TMEM132D: variants seen among roughly 807,000 people sequenced by gnomAD.
TMEM132D encodes transmembrane protein 132D, also known as mature OL transmembrane protein.
A neutral mutation model predicts 62.3 loss-of-function variants in TMEM132D; 21 were observed. The ratio of observed to expected loss-of-function variants is 0.34; its 90% confidence interval spans 0.24 to 0.49. TMEM132D has a LOEUF of 0.49. TMEM132D is among the 20% of genes least tolerant of loss of function. The pLI is 0.99. For missense variants in TMEM132D, 1,346 were observed against 1,402.8 expected (o/e 0.96, Z 0.65); for synonymous variants, 621 against 575.6 (o/e 1.08, Z -1.13).
intron 3 of TMEM132D, among the ~76,000 whole-genome samples, chr12:129,429,775 C>A (rs548672301): frequency 1.4e-5 from 2 of 145,544 alleles, no homozygotes; most frequent in Non-Finnish European, 1.5e-5. Context: ...TGATGTTCCC[C>A]TCCCTGTGTC....
intron 7 of TMEM132D, among the ~76,000 whole-genome samples, chr12:129,079,776 G>A (rs182941564): frequency 6.6e-6 from 1 of 152,262 alleles, no homozygotes; most frequent in Admixed American, 6.5e-5. Flanking sequence ...GAGCATGAGA[G>A]GTGTGTCCCC....
intron 1 of TMEM132D, among the ~76,000 whole-genome samples, chr12:129,847,633 G>A (rs75157557): frequency 0.012 from 1,871 of 152,160 alleles, 40 homozygotes; most frequent in African/African-American, 0.042. Context: ...ACAGATACCT[G>A]ACACTCCTCT....
rs1437697179 is a variant in TMEM132D at position 129,457,455 on chromosome 12, G to C, written c.1115+73604C>G. ...GGGCCTGTTGTGGGGTAGGGGGGAG[G>C]GGAGAGGGATGGCATTAGGAGATAT... On this transcript the variant is annotated intron_variant, in intron 3 of 8. Coordinates refer to ENST00000422113, the MANE Select transcript of TMEM132D (RefSeq NM_133448.3). Among the ~76,000 whole-genome samples the C allele has an allele frequency of 2.6e-4, 37 of 142,212 alleles. 1 individual carries two copies. The highest frequency in any genetic ancestry group is 1.6e-3 in the East Asian group (7 of 4,376). The allele number at this position is 142,212 out of a possible 152,430, so 93.3% of individuals were successfully genotyped here. A position where few individuals can be genotyped will look rare whatever the true frequency, so the allele number is the denominator to read the frequency against.
chr12:129,862,788 A>G (rs1762371990), intron 1 of TMEM132D, among the ~76,000 whole-genome samples: 1 of 152,156 alleles, frequency 6.6e-6, no homozygotes, highest in South Asian at 2.1e-4. Context: ...TTCCATTGTA[A>G]TAAAATAAAA....
intron 3 of TMEM132D, among the ~76,000 whole-genome samples, chr12:129,348,259 T>A (rs952073930): frequency 1.3e-5 from 2 of 152,232 alleles, no homozygotes; most frequent in African/African-American, 4.8e-5. Flanking sequence ...TGCACACGTA[T>A]GTTTATTGCA....
intron 4 of TMEM132D, among the ~76,000 whole-genome samples, chr12:129,227,257 C>A (rs1174730154): frequency 2.8e-5 from 4 of 144,482 alleles, no homozygotes; most frequent in Non-Finnish European, 6.0e-5. Flanking sequence ...CAATAACTTC[C>A]TTTGATCCAC....
intron 3 of TMEM132D, among the ~76,000 whole-genome samples, chr12:129,457,133 A>G (rs1416062151): frequency 1.3e-5 from 2 of 151,912 alleles, no homozygotes; most frequent in African/African-American, 2.4e-5. Context: ...ATAAAGACAC[A>G]TGCACACGTA....
At chr12:129,594,876 T>C (rs532275596) in intron 2 of TMEM132D, among the ~76,000 whole-genome samples, 1 of 152,296 alleles carries the variant, frequency 6.6e-6, no homozygotes, top group South Asian at 2.1e-4. Flanking sequence ...GCTCAGTTTG[T>C]GGAAATACCA....
intron 3 of TMEM132D, among the ~76,000 whole-genome samples, chr12:129,456,202 G>A (rs553296980): frequency 6.6e-6 from 1 of 152,296 alleles, no homozygotes; most frequent in South Asian, 2.1e-4. Flanking sequence ...ATTTCTGAAT[G>A]TCTAAACTAG....
At chr12:129,078,822 G>T in intron 7 of TMEM132D, 97 bp from the exon 8 acceptor site, 1 of 1,270,124 alleles carries the variant, frequency 7.9e-7, no homozygotes, top group Non-Finnish European at 1.1e-6. Flanking sequence ...GCAGCGGCAG[G>T]GCAACATGTG....
At chr12:129,657,430 T>C (rs1309684924) in intron 2 of TMEM132D, among the ~76,000 whole-genome samples, 2 of 151,790 alleles carry the variant, frequency 1.3e-5, no homozygotes, top group Non-Finnish European at 2.9e-5. Context: ...CGTCAACTGG[T>C]TAAGTCAGAA....
At chr12:129,263,952 G>T (rs1043965549) in intron 4 of TMEM132D, among the ~76,000 whole-genome samples, 1 of 152,168 alleles carries the variant, frequency 6.6e-6, no homozygotes, top group Non-Finnish European at 1.5e-5. Context: ...TGAAGATAGC[G>T]GGAAGATGCA....
At chr12:129,281,370 T>A (rs1173010642) in intron 4 of TMEM132D, among the ~76,000 whole-genome samples, 1 of 152,080 alleles carries the variant, frequency 6.6e-6, no homozygotes. Flanking sequence ...TGTTTCAGGT[T>A]TTTTTGTTTG....
chr12:129,725,880 T>C (rs1869016613), intron 1 of TMEM132D, among the ~76,000 whole-genome samples: 1 of 152,186 alleles, frequency 6.6e-6, no homozygotes. Flanking sequence ...TAATAAAAAA[T>C]TTCCCTAAAT....
intron 3 of TMEM132D, among the ~76,000 whole-genome samples, chr12:129,400,270 C>G (rs966509178): frequency 6.6e-6 from 1 of 152,264 alleles, no homozygotes; most frequent in Admixed American, 6.5e-5. Flanking sequence ...ACACATTAGT[C>G]AAGAGCATGT....
intron 3 of TMEM132D, among the ~76,000 whole-genome samples, chr12:129,408,601 T>A (rs1871870577): frequency 6.6e-6 from 1 of 152,128 alleles, no homozygotes; most frequent in African/African-American, 2.4e-5. Context: ...AGGCAATTTT[T>A]ATATACCATT....
At chr12:129,558,356 A>G (rs1158648594) in intron 2 of TMEM132D, among the ~76,000 whole-genome samples, 1 of 152,178 alleles carries the variant, frequency 6.6e-6, no homozygotes, top group African/African-American at 2.4e-5. Context: ...TCCCATTCCT[A>G]TGGGTTTCAT....
At chr12:129,113,715 C>A (rs1054311016) in intron 5 of TMEM132D, among the ~76,000 whole-genome samples, 2 of 151,402 alleles carry the variant, frequency 1.3e-5, no homozygotes, top group African/African-American at 2.4e-5. Context: ...AGGAAGAAAG[C>A]AAAGTAAGTA....
chr12:129,748,952 G>T (rs1869909309), intron 1 of TMEM132D, among the ~76,000 whole-genome samples: 1 of 152,132 alleles, frequency 6.6e-6, no homozygotes. Flanking sequence ...TCGTTCATTT[G>T]TGTTCAGGAC....
Sources: gnomAD v4.1 joint callset for allele counts (sites outside exome capture counted in the v4.1 genomes callset) on GRCh38, gnomAD v4.1.1 for gene constraint, MANE v1.5 for transcripts, NCBI Gene and HGNC (gene_info 2026-07-23, HGNC 2026-07-21) for gene names.